Variants in FAM20C observed in about 807,000 individuals in gnomAD.
The protein encoded by FAM20C is FAM20C golgi associated secretory pathway kinase.
FAM20C carries 40 observed loss-of-function variants against 51.5 expected under a neutral mutation model. That is an observed-to-expected ratio of 0.78 (90% CI 0.60 to 1.01). The LOEUF (loss-of-function observed/expected upper bound fraction) is 1.01. Among genes scored for constraint, FAM20C ranks in the 50% least tolerant of loss-of-function variants. The probability of loss-of-function intolerance (pLI) is 0.00; values close to 1 mark genes in which losing one functional copy is unlikely to be tolerated. For missense variants in FAM20C, 861 were observed against 844.7 expected (o/e 1.02, Z -0.24); for synonymous variants, 406 against 380.6 (o/e 1.07, Z -0.78).
chr7:213,594 G>A (rs377257298), intron 3 of FAM20C, among the ~76,000 whole-genome samples: 7 of 152,328 alleles, frequency 4.6e-5, no homozygotes, highest in Non-Finnish European at 7.3e-5. Flanking sequence ...AGTTGTTTCC[G>A]CTTTTGACAA....
intron 2 of FAM20C, among the ~76,000 whole-genome samples, chr7:200,489 C>T (rs1003775379): frequency 6.6e-6 from 1 of 152,152 alleles, no homozygotes; most frequent in Admixed American, 6.5e-5. Flanking sequence ...AAAGCTCATG[C>T]TGCTGAGGCC....
intron 3 of FAM20C, among the ~76,000 whole-genome samples, chr7:230,878 C>T (rs28560417): frequency 0.51 from 77,459 of 151,736 alleles, 22,453 homozygotes; most frequent in Non-Finnish European, 0.64. Context: ...TGAATAATAC[C>T]TACCAGTAAA....
At chr7:237,513 T>C (rs1422283105) in intron 3 of FAM20C, among the ~76,000 whole-genome samples, 1 of 152,154 alleles carries the variant, frequency 6.6e-6, no homozygotes, top group Non-Finnish European at 1.5e-5. Context: ...GTGATGGTGA[T>C]GATGATAACG....
At chr7:255,035 G>A (rs1289674852) in intron 5 of FAM20C, among the ~76,000 whole-genome samples, 1 of 152,230 alleles carries the variant, frequency 6.6e-6, no homozygotes, top group Non-Finnish European at 1.5e-5. Flanking sequence ...CGGCTGTGGT[G>A]AGCGGTGCTG....
At position 193,739 on chromosome 7, in the gene FAM20C, G is replaced by C. The variant is rs1785710394; in HGVS notation, c.540G>C (p.Glu180Asp). ...YRVAVPPLTE[E>D]DVLFNVNSDT... ...TGGCGGTTCCGCCGCTCACGGAGGAGGACGTCCTGTTCAATGTGAACAGCG... is the reference window on the plus strand; with the variant it reads ...TGGCGGTTCCGCCGCTCACGGAGGACGACGTCCTGTTCAATGTGAACAGCG... Residue 180 changes from glutamate (E) to aspartate (D), a missense_variant, in exon 1 of 10, where the codon GAG becomes GAC. By Grantham distance (45) the Glu-to-Asp change is conservative (BLOSUM62 2). This residue lies in a region of FAM20C where 561 missense variants were observed against 499.8 expected (regional missense o/e 1.12). Transcript: ENST00000313766. 1.3e-6 allele frequency: 2 copies of C among 1,548,210 alleles called. No homozygotes were observed. The highest frequency in any genetic ancestry group is 2.5e-5 in the East Asian group (1 of 40,764).
rs565146580 is a variant in FAM20C, at chr7:214,795, C to T, written c.863+5819C>T. Among the ~76,000 whole-genome samples the T allele has an allele frequency of 8.9e-4, 135 of 152,216 alleles. 1 individual carries two copies. The highest frequency in any genetic ancestry group is 2.8e-3 in the African/African-American group (116 of 41,500). On this transcript the variant is annotated intron_variant, in intron 3 of 9. Transcript: ENST00000313766. ...GTTTGAGTCCGGTGGACGCACCCAG[C>T]AGGCTGTTGGCTACAAATTCCATCT...
intron 3 of FAM20C, among the ~76,000 whole-genome samples, chr7:222,767 T>C (rs1255320181): frequency 6.6e-6 from 1 of 152,132 alleles, no homozygotes; most frequent in Non-Finnish European, 1.5e-5. Flanking sequence ...TGCTCATGTG[T>C]ATGAGTAGGT....
intron 9 of FAM20C, among the ~76,000 whole-genome samples, 165 bp from the exon 10 acceptor site, chr7:259,565 TC>T (rs2115182547): frequency 2.1e-5 from 3 of 144,320 alleles, no homozygotes; most frequent in Non-Finnish European, 3.0e-5. Context: ...TCTGTGTCTC[TC>T]TTTCTCTGTG....
intron 3 of FAM20C, among the ~76,000 whole-genome samples, chr7:218,478 G>C (rs909576931): frequency 1.1e-4 from 17 of 152,234 alleles, no homozygotes; most frequent in South Asian, 2.1e-4. Flanking sequence ...GTAAGCTCGT[G>C]GCCCAGCCGG....
At chr7:194,432 G>T (rs78439801) in intron 1 of FAM20C, among the ~76,000 whole-genome samples, 1,146 of 45,484 alleles carry the variant, frequency 0.025, 14 homozygotes, top group African/African-American at 0.092. Flanking sequence ...CCCTCCCTCC[G>T]CCACACAGAT....
chr7:199,841 A>T (rs377106640), intron 2 of FAM20C, among the ~76,000 whole-genome samples: 1 of 152,206 alleles, frequency 6.6e-6, no homozygotes, highest in African/African-American at 2.4e-5. Flanking sequence ...ATGCACAATT[A>T]TGGATGCAAA....
At position 236,412 on chromosome 7, in the gene FAM20C, G is replaced by A. The variant is rs1004855742; in HGVS notation, c.864-10003G>A. 5.7e-3 allele frequency among the ~76,000 whole-genome samples: 864 copies of A among 152,326 alleles called. 5 individuals are homozygous for A. Among genetic ancestry groups the A allele is most frequent in the Non-Finnish European group, 8.2e-3 (559 of 68,028 alleles). On this transcript the variant is annotated intron_variant, in intron 3 of 9. Coordinates refer to ENST00000313766, the MANE Select transcript of FAM20C (RefSeq NM_020223.4). ...AGCCACCTGGCTCTGAGAAGCCTGC[G>A]TGGCTAGGCCAGGGGATTGAAGCCA...
At chr7:253,320 T>A (rs1788470681) in intron 5 of FAM20C, among the ~76,000 whole-genome samples, 1 of 152,092 alleles carries the variant, frequency 6.6e-6, no homozygotes, top group Admixed American at 6.5e-5. Context: ...GCGAAAGGAA[T>A]GGTGGGAGAC....
At chr7:252,084 T>G (rs1788422587) in intron 5 of FAM20C, among the ~76,000 whole-genome samples, 1 of 152,244 alleles carries the variant, frequency 6.6e-6, no homozygotes, top group African/African-American at 2.4e-5. Context: ...CAAAATCTGT[T>G]CAGATTCGTT....
intron 2 of FAM20C, 145 bp from the exon 3 acceptor site, chr7:208,753 C>A: frequency 1.4e-6 from 1 of 725,358 alleles, no homozygotes; most frequent in South Asian, 1.9e-5. Flanking sequence ...AGCTTCACTG[C>A]AGAAAACTCA....
Position 208,843 on chromosome 7 carries a change from G to A in FAM20C, c.785-55G>A, listed in dbSNP as rs527282120. On this transcript the variant is annotated intron_variant, in intron 2 of 9. Transcript: ENST00000313766. ...GCCAAGAGCCCTCGTCCGCACAGGA[G>A]AAGAAGGGGCGTGAGGCCAGAGAGT... 347 of 1,531,622 alleles carry A rather than the reference G, an allele frequency of 2.3e-4. 1 individual carries two copies. The African/African-American group carries it at 3.8e-3, about 17-fold the overall frequency. 94.9% of individuals were successfully genotyped at this position (1,531,622 alleles called of 1,614,324 possible).
intron 3 of FAM20C, among the ~76,000 whole-genome samples, chr7:220,296 C>T (rs1787196977): frequency 6.6e-6 from 1 of 152,208 alleles, no homozygotes; most frequent in African/African-American, 2.4e-5. Context: ...AGTCCATTCT[C>T]CTCTCACCCC....
intron 5 of FAM20C, among the ~76,000 whole-genome samples, chr7:252,328 C>T (rs181337639): frequency 0.013 from 1,860 of 140,584 alleles, 38 homozygotes; most frequent in African/African-American, 0.047. Context: ...CAGGTCATCT[C>T]GGAGGCCCTG....
At chr7:198,348 A>G (rs930580581) in intron 2 of FAM20C, among the ~76,000 whole-genome samples, 2 of 152,120 alleles carry the variant, frequency 1.3e-5, no homozygotes, top group Non-Finnish European at 2.9e-5. Flanking sequence ...CTGGTTTCTC[A>G]CCGAGAACAC....
Sources: allele counts gnomAD v4.1 joint callset (sites outside exome capture counted in the v4.1 genomes callset), GRCh38; gene constraint gnomAD v4.1.1; regional missense constraint gnomAD v4.1.1; transcripts MANE v1.5; gene names NCBI Gene and HGNC (gene_info 2026-07-23, HGNC 2026-07-21).